Variants in KALRN observed in about 807,000 individuals in gnomAD.
KALRN encodes kalirin RhoGEF kinase.
A neutral mutation model predicts 353.7 loss-of-function variants in KALRN; 70 were observed. That is an observed-to-expected ratio of 0.20 (90% CI 0.16 to 0.24). The LOEUF (loss-of-function observed/expected upper bound fraction) is 0.24. Among genes scored for constraint, KALRN ranks in the 10% least tolerant of loss-of-function variants. The pLI is 1.00. For synonymous variants in KALRN, 1,391 were observed against 1,434.8 expected, an observed-to-expected ratio of 0.97 and a Z score of 0.69; for missense variants, 2,791 against 3,756.7, an observed-to-expected ratio of 0.74 and a Z score of 6.72.
At chr3:124,565,883 GGTT>G (rs2072748409) in intron 34 of KALRN, among the ~76,000 whole-genome samples, 1 of 152,154 alleles carries the variant, frequency 6.6e-6, no homozygotes, top group East Asian at 1.9e-4. Flanking sequence ...CAGGACTGGG[GGTT>G]GTCTCGACTA....
Position 124,666,591 on chromosome 3 carries a change from A to G in KALRN, c.6488A>G (p.Lys2163Arg). The G allele has an allele frequency of 6.2e-7, 1 of 1,614,118 alleles. No individual in the cohort carries two copies. Among genetic ancestry groups the G allele is most frequent in the South Asian group, 1.1e-5 (1 of 91,074 alleles). ...GTCATCTTCAGTGAACTGCTCAGGAAGGGATCCCTCACCCCTGGCTACATG... is the reference window on the plus strand; with the variant it reads ...GTCATCTTCAGTGAACTGCTCAGGAGGGGATCCCTCACCCCTGGCTACATG... ...QIVIFSELLR[K>R]GSLTPGYMFK... The change falls in exon 46 of 60, where the codon AAG becomes AGG. Residue 2163 changes from lysine (K) to arginine (R), a missense_variant. Lys to Arg is a conservative substitution (Grantham distance 26). Transcript: ENST00000682506.
chr3:124,454,519 G>A (rs564483097), intron 21 of KALRN, among the ~76,000 whole-genome samples: 1 of 152,268 alleles, frequency 6.6e-6, no homozygotes, highest in Admixed American at 6.5e-5. Context: ...AATGGTTAAT[G>A]TTTATGGCTT....
chr3:124,313,515 C>T (rs2078494369), intron 6 of KALRN, among the ~76,000 whole-genome samples: 1 of 152,130 alleles, frequency 6.6e-6, no homozygotes, highest in Non-Finnish European at 1.5e-5. Context: ...CTGATCTGCT[C>T]AGGATTAATT....
At chr3:124,562,740 G>C in intron 33 of KALRN, 103 bp from the exon 34 acceptor site, 1 of 1,061,536 alleles carries the variant, frequency 9.4e-7, no homozygotes, top group East Asian at 6.1e-5. Flanking sequence ...CCTTACCTCT[G>C]CTCTCACACA....
chr3:124,451,184 G>A (rs1211564233), intron 21 of KALRN, among the ~76,000 whole-genome samples: 2 of 151,698 alleles, frequency 1.3e-5, no homozygotes, highest in Non-Finnish European at 2.9e-5. Flanking sequence ...AGTCAAAAGG[G>A]CTTTAAAAAA....
At chr3:124,125,977 A>G (rs2064613640) in intron 1 of KALRN, among the ~76,000 whole-genome samples, 1 of 151,838 alleles carries the variant, frequency 6.6e-6, no homozygotes, top group Non-Finnish European at 1.5e-5. Context: ...AAAGGAGGTG[A>G]CTCTACCACC....
chr3:124,235,016 C>T (rs994680963), intron 3 of KALRN, 73 bp downstream of exon 3: 13 of 1,032,648 alleles, frequency 1.3e-5, no homozygotes, highest in Non-Finnish European at 1.9e-5. Flanking sequence ...GAAGGAGCCT[C>T]CATCCCTGCC....
intron 5 of KALRN, among the ~76,000 whole-genome samples, chr3:124,281,632 CT>C (rs1012761326): frequency 6.6e-6 from 1 of 152,238 alleles, no homozygotes; most frequent in African/African-American, 2.4e-5. Context: ...CTGTTCTGCC[CT>C]GTTGGAGGTG....
At chr3:124,081,478 A>T (rs773879530) in intron 1 of KALRN, among the ~76,000 whole-genome samples, 4 of 152,184 alleles carry the variant, frequency 2.6e-5, no homozygotes, top group Non-Finnish European at 5.9e-5. Flanking sequence ...AAAACATAAA[A>T]GAGGTAAAGG....
At chr3:124,266,001 G>A (rs949138492) in intron 4 of KALRN, among the ~76,000 whole-genome samples, 1 of 152,134 alleles carries the variant, frequency 6.6e-6, no homozygotes, top group African/African-American at 2.4e-5. Flanking sequence ...TGTAATCCAA[G>A]CTACTCAAGA....
At chr3:124,392,833 T>C (rs553376000) in intron 11 of KALRN, among the ~76,000 whole-genome samples, 2 of 151,964 alleles carry the variant, frequency 1.3e-5, no homozygotes, top group African/African-American at 4.8e-5. Context: ...CATGTGCACA[T>C]TGTGCAGGTT....
At chr3:124,114,792 A>G (rs2063317835) in intron 1 of KALRN, among the ~76,000 whole-genome samples, 1 of 152,220 alleles carries the variant, frequency 6.6e-6, no homozygotes, top group African/African-American at 2.4e-5. Flanking sequence ...AGATCAGGCC[A>G]AAGCCAGTGG....
At chr3:124,232,884 A>G (rs1560304838) in intron 2 of KALRN, among the ~76,000 whole-genome samples, 1 of 151,298 alleles carries the variant, frequency 6.6e-6, no homozygotes, top group African/African-American at 2.4e-5. Flanking sequence ...CAGACAGGGA[A>G]AAAAAAAAGC....
At chr3:124,157,903 G>C (rs1281670649) in intron 1 of KALRN, among the ~76,000 whole-genome samples, 1 of 152,146 alleles carries the variant, frequency 6.6e-6, no homozygotes, top group Non-Finnish European at 1.5e-5. Flanking sequence ...CCTGAGTCCT[G>C]TTGCTCCAGG....
chr3:124,712,656 G>GA (rs33926628), intron 57 of KALRN, among the ~76,000 whole-genome samples: 47,509 of 91,348 alleles, frequency 0.52, 9,881 homozygotes, highest in East Asian at 0.74. Context: ...CCCTGTCTCA[G>GA]AAAAAAAAAA....
At chr3:124,171,470 G>A (rs997667576) in intron 1 of KALRN, among the ~76,000 whole-genome samples, 1 of 152,228 alleles carries the variant, frequency 6.6e-6, no homozygotes, top group African/African-American at 2.4e-5. Context: ...TGGCAGAAGT[G>A]TTGAAAGAGA....
At chr3:124,264,772 C>G (rs1204558368) in intron 4 of KALRN, 82 bp downstream of exon 4, 6 of 1,234,974 alleles carry the variant, frequency 4.9e-6, no homozygotes, top group Non-Finnish European at 7.0e-6. Context: ...TCTTCTCTAT[C>G]TACCATACAG....
intron 31 of KALRN, among the ~76,000 whole-genome samples, chr3:124,491,873 T>C (rs1286248773): frequency 6.6e-6 from 1 of 152,192 alleles, no homozygotes; most frequent in African/African-American, 2.4e-5. Flanking sequence ...ATATGGACCT[T>C]ATTCCCTGGG....
At chr3:124,288,828 A>C (rs2076174282) in intron 5 of KALRN, among the ~76,000 whole-genome samples, 1 of 152,308 alleles carries the variant, frequency 6.6e-6, no homozygotes, top group Non-Finnish European at 1.5e-5. Context: ...TATTTGAGAA[A>C]ATAGAGAAAA....
Sources: allele counts gnomAD v4.1 joint callset (sites outside exome capture counted in the v4.1 genomes callset), GRCh38; gene constraint gnomAD v4.1.1; transcripts MANE v1.5; gene names NCBI Gene and HGNC (gene_info 2026-07-23, HGNC 2026-07-21).